ZFR2: variants seen among roughly 807,000 people sequenced by gnomAD.
ZFR2 encodes zinc finger RNA binding protein 2.
ZFR2 carries 104 observed loss-of-function variants against 105.7 expected under a neutral mutation model. The observed-to-expected ratio is 0.98, with a 90% confidence interval of 0.84 to 1.16. The LOEUF is 1.16. Among genes scored for constraint, ZFR2 ranks in the 50% most tolerant of loss-of-function variants. The pLI, the probability that ZFR2 is intolerant of heterozygous loss-of-function variation, is 0.00. For synonymous variants in ZFR2, 634 were observed against 597.7 expected (o/e 1.06, Z -0.89); for missense variants, 1,425 against 1,355.5 (o/e 1.05, Z -0.80).
At chr19:3,820,443 A>G (rs2301847) in intron 10 of ZFR2, among the ~76,000 whole-genome samples, 153 bp from the exon 11 acceptor site, 90,080 of 152,094 alleles carry the variant, frequency 0.59, 27,003 homozygotes, top group East Asian at 0.76. Flanking sequence ...TGCCTGCTGT[A>G]TGCACAGAAG....
Position 3,858,923 on chromosome 19 carries a change from G to T in ZFR2, c.53+10042C>A, listed in dbSNP as rs886122128. ...CATGGCAGATGGAGATGAAGGCTGA[G>T]GCCACCCAGCTGGAAATGGAAATGT... On this transcript the variant is annotated intron_variant, in intron 1 of 18. Transcript: ENST00000262961. The surrounding 1 kb of genome is among the most constrained non-coding windows in gnomAD (Gnocchi z 4.3). Among the ~76,000 whole-genome samples, 1 of 152,188 alleles carries T rather than the reference G, an allele frequency of 6.6e-6. No individual in the cohort carries two copies. Among genetic ancestry groups the T allele is most frequent in the African/African-American group, 2.4e-5 (1 of 41,444 alleles).
intron 12 of ZFR2, among the ~76,000 whole-genome samples, chr19:3,817,562 A>T (rs918991443): frequency 1.0e-5 from 1 of 95,962 alleles, no homozygotes; most frequent in African/African-American, 4.2e-5. Context: ...CCATCTCAAA[A>T]TAATGATAAT....
In ZFR2 at chr19:3,805,616, G is replaced by T. The variant is rs1036143692; in HGVS notation, c.*333C>A. 4.3e-6 allele frequency: 1 copy of T among 231,210 alleles called. No individual in the cohort carries two copies. Among genetic ancestry groups the T allele is most frequent in the Non-Finnish European group, 8.4e-6 (1 of 118,588 alleles). The allele number at this position is 231,210 out of a possible 1,614,324, so 14.3% of individuals were successfully genotyped here. ...TCTGCCCACCTCGGCCTCTCAAAGT[G>T]CTGGGATTACAGGCGTGAATCACCG... On this transcript the variant is annotated 3_prime_UTR_variant, in exon 19 of 19. Transcript: ENST00000262961.
At chr19:3,852,586 G>C in intron 1 of ZFR2, 1 of 718,624 alleles carries the variant, frequency 1.4e-6, no homozygotes, top group South Asian at 1.5e-5. Flanking sequence ...CCAGATGCAA[G>C]GGCCGGGGGA....
chr19:3,840,359 T>C (rs1174449317), intron 1 of ZFR2, among the ~76,000 whole-genome samples: 2 of 151,840 alleles, frequency 1.3e-5, no homozygotes, highest in Non-Finnish European at 2.9e-5. Flanking sequence ...CACCTCAGCC[T>C]CCCAAGTAGC....
Position 3,819,067 on chromosome 19 carries a change from C to G in ZFR2, c.1909G>C (p.Glu637Gln). The G allele has an allele frequency of 6.2e-7, 1 of 1,612,542 alleles. No individual in the cohort carries two copies. Among genetic ancestry groups the G allele is most frequent in the Non-Finnish European group, 8.5e-7 (1 of 1,179,710 alleles). The change falls in exon 12 of 19, where the codon GAG becomes CAG. Residue 637 changes from glutamate (E) to glutamine (Q), a missense_variant. By Grantham distance (29) the Glu-to-Gln change is conservative. Coordinates refer to ENST00000262961, the MANE Select transcript of ZFR2 (RefSeq NM_015174.2). Reference sequence around the variant, plus strand: ...GACCTGCGCTTGTCACCCTCTTCCTCTCGGCGGCCCCGGTCCTCCTCGGCC... The same window carrying G: ...GACCTGCGCTTGTCACCCTCTTCCTGTCGGCGGCCCCGGTCCTCCTCGGCC... ...TLAEEDRGRREEEGDKRSSVA... is the reference protein window; with the variant it reads ...TLAEEDRGRRQEEGDKRSSVA...
At position 3,821,385 on chromosome 19, in the gene ZFR2, G is replaced by C; in HGVS notation, c.1586C>G (p.Ala529Gly). The C allele has an allele frequency of 6.2e-7, 1 of 1,609,968 alleles. No homozygotes were observed. Among genetic ancestry groups the C allele is most frequent in the Non-Finnish European group, 8.5e-7 (1 of 1,178,838 alleles). ...CCGCAGCTGCTCCAGCCGCTCCTCC[G>C]CCAGGTGCCGCTGCTTCCTCATGCG... Reference protein sequence around the residue: ...EERMRKQRHLAEERLEQLRRW... With the variant: ...EERMRKQRHLGEERLEQLRRW... Residue 529 changes from alanine to glycine, a missense_variant, in exon 10 of 19, where the codon GCG becomes GGG. Coordinates refer to ENST00000262961, the MANE Select transcript of ZFR2 (RefSeq NM_015174.2).
intron 5 of ZFR2, among the ~76,000 whole-genome samples, chr19:3,828,932 C>T (rs1462662068): frequency 6.6e-6 from 1 of 151,176 alleles, no homozygotes; most frequent in South Asian, 2.1e-4. Context: ...ATACATTTTA[C>T]TGTATGCATG....
chr19:3,849,889 G>C (rs2038218698), intron 1 of ZFR2, among the ~76,000 whole-genome samples: 1 of 152,220 alleles, frequency 6.6e-6, no homozygotes, highest in Non-Finnish European at 1.5e-5. Flanking sequence ...CGCTGGCTGA[G>C]GGCAGGTCTC....
rs1306678622 is a variant in ZFR2 at position 3,805,549 on chromosome 19, C to G, written c.*400G>C. 6.1e-6 allele frequency: 1 copy of G among 164,556 alleles called. No homozygotes were observed. Among genetic ancestry groups the G allele is most frequent in the Non-Finnish European group, 1.3e-5 (1 of 75,938 alleles). The allele number at this position is 164,556 out of a possible 1,614,324, so 10.2% of individuals were successfully genotyped here. The stretch of plus-strand genomic sequence containing the variant: ...GTTTTTTACTAGAGACAGGGTTTCA[C>G]CATGTTGACCAGGCCGGTCTCGAAC... On this transcript the variant is annotated 3_prime_UTR_variant, in exon 19 of 19. Coordinates refer to ENST00000262961, the MANE Select transcript of ZFR2 (RefSeq NM_015174.2).
Position 3,819,228 on chromosome 19 carries a change from C to G in ZFR2, c.1748G>C (p.Arg583Pro). 1 of 1,542,146 alleles carries G rather than the reference C, an allele frequency of 6.5e-7. No homozygotes were observed. ...SPASAPLQPG[R>P]RPASSDDRHV... The stretch of plus-strand genomic sequence containing the variant: ...CCGGTCGTCGCTGGACGCCGGCCGC[C>G]GCCCGGGCTGTGGGGAGAGGCCGCA... The change falls in exon 12 of 19, where the codon CGG becomes CCG. Residue 583 changes from arginine to proline, a missense_variant. Coordinates refer to ENST00000262961, the MANE Select transcript of ZFR2 (RefSeq NM_015174.2).
chr19:3,866,641 AT>A (rs924750603), intron 1 of ZFR2, among the ~76,000 whole-genome samples: 6 of 152,308 alleles, frequency 3.9e-5, no homozygotes, highest in Admixed American at 1.3e-4. Flanking sequence ...TATTCAAGTG[AT>A]TTTCCACGTC....
chr19:3,845,590 G>A (rs1424320565), intron 1 of ZFR2, among the ~76,000 whole-genome samples: 2 of 150,274 alleles, frequency 1.3e-5, no homozygotes, highest in South Asian at 2.1e-4. Flanking sequence ...CCAGGAGTTT[G>A]AGGCCAGCCT....
At chr19:3,849,177 G>C (rs1443169928) in intron 1 of ZFR2, among the ~76,000 whole-genome samples, 2 of 151,644 alleles carry the variant, frequency 1.3e-5, no homozygotes, top group East Asian at 3.9e-4. Flanking sequence ...CACCAGCAGA[G>C]GGCTGTGGGG....
chr19:3,806,563 A>T (rs1334620757), intron 18 of ZFR2, among the ~76,000 whole-genome samples: 2 of 152,178 alleles, frequency 1.3e-5, no homozygotes, highest in African/African-American at 2.4e-5. Context: ...CCCGGCCGAC[A>T]CCGCTTCTTA....
At chr19:3,841,374 G>T (rs1467576999) in intron 1 of ZFR2, among the ~76,000 whole-genome samples, 1 of 152,216 alleles carries the variant, frequency 6.6e-6, no homozygotes, top group Non-Finnish European at 1.5e-5. Flanking sequence ...TCAAAGCATG[G>T]TTCTGGCAAC....
At position 3,827,603 on chromosome 19, in the gene ZFR2, G is replaced by T; in HGVS notation, c.903C>A (p.Ala301=). 1 of 1,579,746 alleles carries T rather than the reference G, an allele frequency of 6.3e-7. No homozygotes were observed. Reference sequence around the variant, plus strand: ...CGTTGGGCTGCACGCCTGTCTTCTGGGCCGCCTCCTTCTTTCTGTGCTTCT... The same window carrying T: ...CGTTGGGCTGCACGCCTGTCTTCTGTGCCGCCTCCTTCTTTCTGTGCTTCT... ...GGQKHRKKEA[A]QKTGVQPNGS... is the part of the protein sequence containing the mutation. Residue 301 remains alanine (A), a synonymous_variant, in exon 6 of 19, where the codon GCC becomes GCA. Coordinates refer to ENST00000262961, the MANE Select transcript of ZFR2 (RefSeq NM_015174.2).
In ZFR2 at chr19:3,806,133, G is replaced by A. The variant is rs1568414675; in HGVS notation, c.2644-8C>T. 3 of 1,429,618 alleles carry A rather than the reference G, an allele frequency of 2.1e-6. No individual in the cohort carries two copies. The highest frequency in any genetic ancestry group is 2.8e-5 in the East Asian group (1 of 36,162). 88.6% of individuals were successfully genotyped at this position (1,429,618 alleles called of 1,614,324 possible). A position where few individuals can be genotyped will look rare whatever the true frequency, so the allele number is the denominator to read the frequency against. On this transcript the variant is annotated splice_region_variant and splice_polypyrimidine_tract_variant and intron_variant, in intron 18 of 18. Coordinates refer to ENST00000262961, the MANE Select transcript of ZFR2 (RefSeq NM_015174.2). ...CAGCATTCGCAGGGCGTGCTGCGGG[G>A]CACACACAGCCTGTCAGGACCCCCG...
At position 3,820,273 on chromosome 19, in the gene ZFR2, G is replaced by C; in HGVS notation, c.1649C>G (p.Pro550Arg). ...HAERRRLEEE[P>R]PQDVPPHAPP... Reference sequence around the variant, plus strand: ...CGCGTGGGGCGGCACGTCCTGGGGTGGCTCCTCCTCCAGCCGCCTGCAGGA... The same window carrying C: ...CGCGTGGGGCGGCACGTCCTGGGGTCGCTCCTCCTCCAGCCGCCTGCAGGA... The change falls in exon 11 of 19, where the codon CCA (proline) becomes CGA (arginine). Residue 550 changes from proline (P) to arginine (R), a missense_variant. Transcript: ENST00000262961. The C allele has an allele frequency of 6.5e-7, 1 of 1,545,844 alleles. No individual in the cohort carries two copies. Among genetic ancestry groups the C allele is most frequent in the Admixed American group, 2.0e-5 (1 of 50,196 alleles).
Sources: allele counts gnomAD v4.1 joint callset (sites outside exome capture counted in the v4.1 genomes callset), GRCh38; gene constraint gnomAD v4.1.1; non-coding constraint Gnocchi (gnomAD v3.1); transcripts MANE v1.5; gene names NCBI Gene and HGNC (gene_info 2026-07-23, HGNC 2026-07-21).